RALGAPA2: variants seen among roughly 807,000 people sequenced by gnomAD.
RALGAPA2 encodes ral GTPase-activating protein subunit alpha-2.
In RALGAPA2, 139 loss-of-function variants were observed where a neutral mutation model predicts 230.4. The ratio of observed to expected loss-of-function variants is 0.60; its 90% CI spans 0.53 to 0.69. The LOEUF is 0.69. Among genes scored for constraint, RALGAPA2 ranks in the 30% least tolerant of loss-of-function variants. The pLI, the probability that RALGAPA2 is intolerant of heterozygous loss-of-function variation, is 0.00. For missense variants in RALGAPA2, 2,163 were observed against 2,276.0 expected, an observed-to-expected ratio of 0.95 and a Z score of 1.01; for synonymous variants, 847 against 837.8, an observed-to-expected ratio of 1.01 and a Z score of -0.19.
At chr20:20,522,265 A>C (rs966657747) in intron 30 of RALGAPA2, among the ~76,000 whole-genome samples, 9 of 152,124 alleles carry the variant, frequency 5.9e-5, no homozygotes, top group Non-Finnish European at 1.3e-4. Context: ...AAAAAAAAAA[A>C]ACCTTGAATA....
At chr20:20,477,829 C>A (rs2061686866) in intron 36 of RALGAPA2, among the ~76,000 whole-genome samples, 1 of 152,120 alleles carries the variant, frequency 6.6e-6, no homozygotes, top group South Asian at 2.1e-4. Flanking sequence ...CTCAAGTGAT[C>A]CATGCACCTC....
At chr20:20,508,922 C>A (rs2062616551) in intron 33 of RALGAPA2, among the ~76,000 whole-genome samples, 1 of 152,206 alleles carries the variant, frequency 6.6e-6, no homozygotes, top group Non-Finnish European at 1.5e-5. Flanking sequence ...CTATTCAAAG[C>A]CATATTTCGT....
At chr20:20,521,932 T>C (rs2063055758) in intron 30 of RALGAPA2, among the ~76,000 whole-genome samples, 1 of 152,230 alleles carries the variant, frequency 6.6e-6, no homozygotes, top group Non-Finnish European at 1.5e-5. Context: ...GTACCCTTTG[T>C]AAATAAGTAC....
chr20:20,639,963 G>A, intron 6 of RALGAPA2, 63 bp from the exon 7 acceptor site: 3 of 1,288,876 alleles, frequency 2.3e-6, no homozygotes, highest in South Asian at 1.2e-5. Context: ...AGAATTTAGG[G>A]TTTTAAAAAT....
At chr20:20,633,739 A>T (rs1050235696) in intron 9 of RALGAPA2, among the ~76,000 whole-genome samples, 19 of 152,142 alleles carry the variant, frequency 1.2e-4, no homozygotes, top group African/African-American at 4.3e-4. Flanking sequence ...CAGCTTCCCA[A>T]AGTGCTGGGA....
intron 37 of RALGAPA2, among the ~76,000 whole-genome samples, chr20:20,412,428 C>T (rs936194773): frequency 6.6e-6 from 1 of 152,122 alleles, no homozygotes; most frequent in Non-Finnish European, 1.5e-5. Context: ...TCATTAGGGT[C>T]GATTTAAACA....
intron 2 of RALGAPA2, 121 bp downstream of exon 2, chr20:20,680,570 C>G (rs957356023): frequency 7.4e-7 from 1 of 1,344,824 alleles, no homozygotes. Context: ...CATGCTCTCA[C>G]AGCTTTGCTA....
chr20:20,691,622 TC>T (rs1208883436), intron 1 of RALGAPA2, among the ~76,000 whole-genome samples: 1 of 152,168 alleles, frequency 6.6e-6, no homozygotes, highest in Non-Finnish European at 1.5e-5. Context: ...GCTAAGGAGT[TC>T]CACACCGCTA....
At chr20:20,484,276 G>C (rs1400184135) in intron 36 of RALGAPA2, among the ~76,000 whole-genome samples, 1 of 152,158 alleles carries the variant, frequency 6.6e-6, no homozygotes, top group East Asian at 1.9e-4. Flanking sequence ...AACATTTTAT[G>C]AAAAGTAAAA....
At chr20:20,449,730 G>A (rs1293437092) in intron 37 of RALGAPA2, among the ~76,000 whole-genome samples, 2 of 152,136 alleles carry the variant, frequency 1.3e-5, no homozygotes, top group African/African-American at 4.8e-5. Context: ...AACTCATGGG[G>A]TAGAATAGAA....
At chr20:20,632,188 C>A (rs2066698554) in intron 9 of RALGAPA2, among the ~76,000 whole-genome samples, 1 of 152,048 alleles carries the variant, frequency 6.6e-6, no homozygotes, top group African/African-American at 2.4e-5. Flanking sequence ...CCATGCCCAG[C>A]TAATTTTTTT....
At chr20:20,480,498 T>C (rs1266540461) in intron 36 of RALGAPA2, among the ~76,000 whole-genome samples, 1 of 152,198 alleles carries the variant, frequency 6.6e-6, no homozygotes, top group African/African-American at 2.4e-5. Context: ...TCTCTGACTT[T>C]AGTTTTAGTA....
chr20:20,551,057 T>C (rs1205030569), intron 23 of RALGAPA2, among the ~76,000 whole-genome samples: 1 of 152,196 alleles, frequency 6.6e-6, no homozygotes. Flanking sequence ...AGCAACACCC[T>C]TAACAAAGCT....
chr20:20,480,227 T>G (rs150673755), intron 36 of RALGAPA2, among the ~76,000 whole-genome samples: 4 of 152,300 alleles, frequency 2.6e-5, no homozygotes, highest in Non-Finnish European at 5.9e-5. Context: ...AGAAATGAAA[T>G]TGGCTAAAAA....
intron 1 of RALGAPA2, among the ~76,000 whole-genome samples, chr20:20,686,881 C>T (rs1413148583): frequency 6.6e-6 from 1 of 152,148 alleles, no homozygotes; most frequent in Non-Finnish European, 1.5e-5. Context: ...GGGAAAAAGT[C>T]CTCATCTCAC....
chr20:20,663,989 C>T (rs1436351966), intron 3 of RALGAPA2, among the ~76,000 whole-genome samples: 1 of 152,212 alleles, frequency 6.6e-6, no homozygotes, highest in Non-Finnish European at 1.5e-5. Context: ...AAGTGACTGA[C>T]AGTTAGCTAG....
intron 36 of RALGAPA2, among the ~76,000 whole-genome samples, chr20:20,491,710 A>G (rs1254821539): frequency 6.6e-6 from 1 of 152,228 alleles, no homozygotes; most frequent in Non-Finnish European, 1.5e-5. Context: ...TGGAAAAAAC[A>G]TAAGTCTAAC....
rs759878376 is a variant in RALGAPA2 at position 20,396,684 on chromosome 20, G to A, written c.*35+11C>T. ...GGTGGCTGGACAAATCCACTGAAGT[G>A]TCTGTCTTACCTTGCTCAAATATTG... is the stretch of plus-strand genomic sequence containing the variant. On this transcript the variant is annotated intron_variant, in intron 39 of 39. Coordinates refer to ENST00000202677, the MANE Select transcript of RALGAPA2 (RefSeq NM_020343.4). 2.5e-6 allele frequency: 4 copies of A among 1,605,316 alleles called. No individual in the cohort carries two copies. The highest frequency in any genetic ancestry group is 2.2e-5 in the East Asian group (1 of 44,756).
In RALGAPA2 at chr20:20,689,628, G is replaced by A. The variant is rs536796052; in HGVS notation, c.107-8827C>T. Among the ~76,000 whole-genome samples, 16 of 152,334 alleles carry A rather than the reference G, an allele frequency of 1.1e-4. No individual in the cohort carries two copies. In the East Asian group the frequency reaches 1.7e-3, roughly 17 times the overall value. On this transcript the variant is annotated intron_variant, in intron 1 of 39. Coordinates refer to ENST00000202677, the MANE Select transcript of RALGAPA2 (RefSeq NM_020343.4). The stretch of plus-strand genomic sequence containing the variant: ...CTGCACACCAGCCTGGTGACAGGGC[G>A]AGACTCCGTCTCAAAAAGATAAAAA...
Sources: allele counts gnomAD v4.1 joint callset (sites outside exome capture counted in the v4.1 genomes callset), GRCh38; gene constraint gnomAD v4.1.1; transcripts MANE v1.5; gene names NCBI Gene and HGNC (gene_info 2026-07-23, HGNC 2026-07-21).